MAP3K1: variants seen among roughly 807,000 people sequenced by gnomAD.
MAP3K1 encodes the protein MAP/ERK kinase kinase 1.
Under a neutral mutation model 144.2 loss-of-function variants are expected in MAP3K1, and 36 were observed. That is an observed-to-expected ratio of 0.25 (90% CI 0.19 to 0.33). The LOEUF (loss-of-function observed/expected upper bound fraction) is 0.33. Among genes scored for constraint, MAP3K1 ranks in the 10% least tolerant of loss-of-function variants. The probability of loss-of-function intolerance (pLI) is 1.00; values close to 1 mark genes in which losing one functional copy is unlikely to be tolerated. For missense variants in MAP3K1, 1,650 were observed against 1,881.9 expected (o/e 0.88, Z 2.28); for synonymous variants, 718 against 688.7 (o/e 1.04, Z -0.67).
intron 1 of MAP3K1, among the ~76,000 whole-genome samples, chr5:56,823,385 AT>A (rs972366710): frequency 2.6e-5 from 4 of 152,178 alleles, no homozygotes; most frequent in Non-Finnish European, 4.4e-5. Flanking sequence ...ATCTTAACTC[AT>A]TGACACTTCC....
At chr5:56,845,102 A>G (rs1199536495) in intron 1 of MAP3K1, among the ~76,000 whole-genome samples, 2 of 152,248 alleles carry the variant, frequency 1.3e-5, no homozygotes, top group Non-Finnish European at 2.9e-5. Context: ...AATAGAAGGT[A>G]TTCACTCAAA....
intron 14 of MAP3K1, among the ~76,000 whole-genome samples, 182 bp from the exon 15 acceptor site, chr5:56,883,345 C>T (rs752015778): frequency 5.9e-5 from 9 of 152,142 alleles, no homozygotes; most frequent in Non-Finnish European, 8.8e-5. Context: ...TGGGCATTTC[C>T]GGTTAATTGT....
At chr5:56,823,982 A>C (rs1404424290) in intron 1 of MAP3K1, among the ~76,000 whole-genome samples, 6 of 152,254 alleles carry the variant, frequency 3.9e-5, no homozygotes, top group African/African-American at 1.4e-4. Context: ...TCTTATTTTT[A>C]AAGTTCTCAG....
chr5:56,871,202 G>A (rs1747842061), intron 6 of MAP3K1, among the ~76,000 whole-genome samples: 1 of 152,034 alleles, frequency 6.6e-6, no homozygotes, highest in Non-Finnish European at 1.5e-5. Flanking sequence ...CTCATTTATG[G>A]ATTTCTCTGT....
intron 1 of MAP3K1, among the ~76,000 whole-genome samples, chr5:56,835,523 G>C (rs62358074): frequency 6.6e-6 from 1 of 151,930 alleles, no homozygotes; most frequent in Non-Finnish European, 1.5e-5. Flanking sequence ...GGATGCTGCT[G>C]GTTGAGGGCT....
At chr5:56,878,890 T>C in intron 10 of MAP3K1, 90 bp from the exon 11 acceptor site, 2 of 1,141,780 alleles carry the variant, frequency 1.8e-6, no homozygotes, top group Non-Finnish European at 2.6e-6. Context: ...CCTGTCTACT[T>C]ATTTTGTTGC....
At position 56,882,065 on chromosome 5, in the gene MAP3K1, G is replaced by A; in HGVS notation, c.2865G>A (p.Met955Ile). The change falls in exon 14 of 20, where the codon ATG becomes ATA. Residue 955 changes from methionine to isoleucine, a missense_variant. Met to Ile is a conservative substitution (Grantham distance 10, BLOSUM62 1). Transcript: ENST00000399503. Reference protein sequence around the residue: ...TTTTTEQPKPMVQTKGRPHSQ... With the variant: ...TTTTTEQPKPIVQTKGRPHSQ... ...CAACAACAGAGCAACCAAAGCCAAT[G>A]GTTCAAACAAAAGGCAGACCCCACA... 1 of 1,614,020 alleles carries A rather than the reference G, an allele frequency of 6.2e-7. No homozygotes were observed.
At chr5:56,850,753 G>A (rs1561179225) in intron 1 of MAP3K1, among the ~76,000 whole-genome samples, 1 of 152,150 alleles carries the variant, frequency 6.6e-6, no homozygotes, top group African/African-American at 2.4e-5. Flanking sequence ...CAGGGTTGCT[G>A]GAAGGGTGCA....
intron 1 of MAP3K1, among the ~76,000 whole-genome samples, chr5:56,822,190 ATTTTTGTATT>A (rs1242164403): frequency 6.6e-6 from 1 of 151,792 alleles, no homozygotes; most frequent in Non-Finnish European, 1.5e-5. Flanking sequence ...TGCCCAGTTA[ATTTTTGTATT>A]TTTTTGTAGA....
chr5:56,844,182 G>GTTTT (rs1561174026), intron 1 of MAP3K1, among the ~76,000 whole-genome samples: 10 of 108,400 alleles, frequency 9.2e-5, no homozygotes, highest in Non-Finnish European at 1.6e-4. Context: ...TGTTTTTTTT[G>GTTTT]GTTTTTTTTT....
intron 1 of MAP3K1, chr5:56,820,818 T>G: frequency 1.0e-6 from 1 of 984,744 alleles, no homozygotes; most frequent in East Asian, 1.1e-4. Context: ...TTTCTGTCGG[T>G]AGGTTGTAGT....
At chr5:56,877,956 T>C (rs1296844443) in intron 10 of MAP3K1, among the ~76,000 whole-genome samples, 2 of 152,220 alleles carry the variant, frequency 1.3e-5, no homozygotes, top group African/African-American at 4.8e-5. Context: ...TCTGATGTTT[T>C]CTCATGATTA....
At chr5:56,846,080 C>G (rs894793909) in intron 1 of MAP3K1, among the ~76,000 whole-genome samples, 12 of 152,158 alleles carry the variant, frequency 7.9e-5, no homozygotes, top group African/African-American at 2.7e-4. Flanking sequence ...CAGACAGTAA[C>G]TTTACAATTC....
intron 1 of MAP3K1, among the ~76,000 whole-genome samples, chr5:56,818,589 A>C (rs1178090824): frequency 6.6e-6 from 1 of 152,172 alleles, no homozygotes; most frequent in African/African-American, 2.4e-5. Context: ...GAAATCAGTG[A>C]AAGTGCCTGT....
chr5:56,855,355 A>G (rs1244724313), intron 1 of MAP3K1, among the ~76,000 whole-genome samples: 3 of 152,102 alleles, frequency 2.0e-5, no homozygotes, highest in Non-Finnish European at 4.4e-5. Context: ...TTGTGTGTGT[A>G]TGTGTGTGTA....
At chr5:56,845,908 A>G (rs531137223) in intron 1 of MAP3K1, among the ~76,000 whole-genome samples, 10 of 152,350 alleles carry the variant, frequency 6.6e-5, no homozygotes, top group African/African-American at 2.2e-4. Flanking sequence ...TGCTCAGAAC[A>G]TAGTTTACCT....
intron 1 of MAP3K1, among the ~76,000 whole-genome samples, chr5:56,845,843 G>A (rs185317483): frequency 7.0e-4 from 106 of 152,246 alleles, no homozygotes; most frequent in African/African-American, 2.5e-3. Context: ...GGTTTTTGTT[G>A]GAAAGGAACA....
Position 56,878,951 on chromosome 5 carries a change from T to C in MAP3K1, c.1966-29T>C. 3 of 1,612,476 alleles carry C rather than the reference T, an allele frequency of 1.9e-6. No homozygotes were observed. The South Asian group carries it at 3.3e-5, about 18-fold the overall frequency. On this transcript the variant is annotated intron_variant, in intron 10 of 19. Coordinates refer to ENST00000399503, the MANE Select transcript of MAP3K1 (RefSeq NM_005921.2). ...ATCTCTGATGCTTTTTAAGTGTACATAAACTGACCTTCAGATTTTTTTCCT... is the reference window on the plus strand; with the variant it reads ...ATCTCTGATGCTTTTTAAGTGTACACAAACTGACCTTCAGATTTTTTTCCT...
chr5:56,883,929 A>G (rs1748301458), intron 15 of MAP3K1, among the ~76,000 whole-genome samples: 1 of 152,086 alleles, frequency 6.6e-6, no homozygotes, highest in South Asian at 2.1e-4. Flanking sequence ...TGGTTGGATC[A>G]TTTGAGGCCA....
Sources: gnomAD v4.1 joint callset for allele counts (sites outside exome capture counted in the v4.1 genomes callset) on GRCh38, gnomAD v4.1.1 for gene constraint, MANE v1.5 for transcripts, NCBI Gene and HGNC (gene_info 2026-07-23, HGNC 2026-07-21) for gene names.